Variants in LMOD3 observed in about 807,000 individuals in gnomAD.
LMOD3 encodes leiomodin 3, also known as leiomodin-3.
A neutral mutation model predicts 41.8 loss-of-function variants in LMOD3; 31 were observed. The ratio of observed to expected loss-of-function variants is 0.74; its 90% CI spans 0.56 to 1.00. LMOD3 has a LOEUF of 1.00. LMOD3 is among the 50% of genes least tolerant of loss of function. The pLI is 0.00. For synonymous variants in LMOD3, 292 were observed against 241.9 expected, an observed-to-expected ratio of 1.21 and a Z score of -1.92; for missense variants, 755 against 679.5, an observed-to-expected ratio of 1.11 and a Z score of -1.23.
chr3:69,119,988 GC>G lies in LMOD3; in HGVS notation c.366del (p.Lys122AsnfsTer6), dbSNP rs1368453406. The G allele has an allele frequency of 6.2e-6, 10 of 1,604,156 alleles. No homozygotes were observed. Among genetic ancestry groups the G allele is most frequent in the Non-Finnish European group, 7.7e-6 (9 of 1,174,578 alleles). On this transcript the variant is annotated frameshift_variant, in exon 2 of 3. Coordinates refer to ENST00000420581, the MANE Select transcript of LMOD3 (RefSeq NM_198271.5). LOFTEE classifies it high-confidence loss of function. ...NKNMAQYLKE[K>X]LNNEIVANKR... ...TTATTTGCAACTATTTCATTATTGA[GC>G]TTTTCTTTTAAATACTGGGCCATAT...
rs1252768762 is a variant in LMOD3, at chr3:69,107,494, T to TTTTTTTTTTTTTG, written c.*1600_*1601insCAAAAAAAAAAAA. On this transcript the variant is annotated 3_prime_UTR_variant, in exon 3 of 3. Transcript: ENST00000420581. ...TTTTTTTTTTTTTTTTTTTTTTTTTTGAGATGGAGTATCACTCTGTCACCC... is the reference window on the plus strand; with the variant it reads ...TTTTTTTTTTTTTTTTTTTTTTTTTTTTTTTTTTTTTTGGAGATGGAGTATCACTCTGTCACCC... 2.4e-5 allele frequency: 3 copies of TTTTTTTTTTTTTG among 125,114 alleles called. No individual in the cohort carries two copies. Among genetic ancestry groups the TTTTTTTTTTTTTG allele is most frequent in the Non-Finnish European group, 4.8e-5 (3 of 62,704 alleles). The allele number at this position is 125,114 out of a possible 1,614,324, so 7.8% of individuals were successfully genotyped here.
chr3:69,121,765 G>A (rs2092408718), intron 1 of LMOD3, among the ~76,000 whole-genome samples: 1 of 152,192 alleles, frequency 6.6e-6, no homozygotes, highest in Admixed American at 6.5e-5. Flanking sequence ...AAAAAAGAAA[G>A]AGAGAGGTAA....
Position 69,119,714 on chromosome 3 carries a change from G to A in LMOD3, c.641C>T (p.Ser214Leu), listed in dbSNP as rs368487515. The A allele has an allele frequency of 1.1e-5, 17 of 1,613,676 alleles. No individual in the cohort carries two copies. In the Admixed American group the frequency reaches 1.3e-4, roughly 13 times the overall value. Residue 214 changes from serine to leucine, a missense_variant, in exon 2 of 3, where the codon TCG becomes TTG. Ser to Leu is a moderately radical substitution (Grantham distance 145, BLOSUM62 -2). Transcript: ENST00000420581. ...EAQEQSEKKI[S>L]KLDPKKLALD... ...AGCTAACTTCTTAGGATCTAATTTC[G>A]ATATTTTTTTCTCACTTTGTTCTTG...
intron 2 of LMOD3, among the ~76,000 whole-genome samples, chr3:69,112,246 G>A (rs552810902): frequency 5.9e-5 from 9 of 152,186 alleles, no homozygotes; most frequent in South Asian, 4.1e-4. Context: ...GCACACATAC[G>A]CATACACTCA....
Position 69,109,520 on chromosome 3 carries a change from CTTTTTT to C in LMOD3, c.1657-405_1657-400del, listed in dbSNP as rs923225067. ...TACAAGTGAGTAATCCATGTTAACA[CTTTTTT>C]TTTTTTTTTTTTTTTTTTTGAGATG... is the stretch of plus-strand genomic sequence containing the variant. On this transcript the variant is annotated intron_variant, in intron 2 of 2. Transcript: ENST00000420581. 4.1e-5 allele frequency among the ~76,000 whole-genome samples: 4 copies of C among 98,742 alleles called. No individual in the cohort carries two copies. In the South Asian group the frequency reaches 1.6e-3, roughly 40 times the overall value. 64.8% of individuals were successfully genotyped at this position (98,742 alleles called of 152,430 possible).
At chr3:69,114,968 T>G (rs1163348542) in intron 2 of LMOD3, among the ~76,000 whole-genome samples, 1 of 152,170 alleles carries the variant, frequency 6.6e-6, no homozygotes, top group East Asian at 1.9e-4. Context: ...TGAGCTCAAG[T>G]GATCCTCCTG....
intron 2 of LMOD3, among the ~76,000 whole-genome samples, chr3:69,113,616 T>C (rs1456492607): frequency 6.6e-6 from 1 of 152,218 alleles, no homozygotes; most frequent in Non-Finnish European, 1.5e-5. Context: ...TAGCAATGGC[T>C]TTAGCCAACT....
intron 2 of LMOD3, among the ~76,000 whole-genome samples, chr3:69,115,388 G>T (rs942205521): frequency 1.3e-5 from 2 of 151,826 alleles, no homozygotes; most frequent in Non-Finnish European, 2.9e-5. Context: ...AGTCTGAGGT[G>T]GGAGGATCAC....
rs1203866597 is a variant in LMOD3, at chr3:69,106,068, T to C, written c.*3027A>G. ...GAAGAATAAAATTGATTAAAGGTTT[T>C]TTTGGTGAGACTTTATTTAATGCAC... is the stretch of plus-strand genomic sequence containing the variant. On this transcript the variant is annotated 3_prime_UTR_variant, in exon 3 of 3. Coordinates refer to ENST00000420581, the MANE Select transcript of LMOD3 (RefSeq NM_198271.5). 2 of 152,216 alleles carry C rather than the reference T, an allele frequency of 1.3e-5. No individual in the cohort carries two copies. Among genetic ancestry groups the C allele is most frequent in the African/African-American group, 4.8e-5 (2 of 41,458 alleles). 9.4% of individuals were successfully genotyped at this position (152,216 alleles called of 1,614,324 possible). A position where few individuals can be genotyped will look rare whatever the true frequency, so the allele number is the denominator to read the frequency against.
In LMOD3 at chr3:69,108,101, A is replaced by C. The variant is rs2092331173; in HGVS notation, c.*994T>G. 6.6e-6 allele frequency: 1 copy of C among 152,136 alleles called. No homozygotes were observed. Among genetic ancestry groups the C allele is most frequent in the African/African-American group, 2.4e-5 (1 of 41,434 alleles). The allele number at this position is 152,136 out of a possible 1,614,324, so 9.4% of individuals were successfully genotyped here. On this transcript the variant is annotated 3_prime_UTR_variant, in exon 3 of 3. Coordinates refer to ENST00000420581, the MANE Select transcript of LMOD3 (RefSeq NM_198271.5). ...GTGGGAAATAAGACAGGATTAGTAA[A>C]TTGGGGCCAGGCAATGGAGTGCCTT...
chr3:69,121,985 CA>C (rs1326892615), intron 1 of LMOD3, 107 bp downstream of exon 1: 1 of 890,524 alleles, frequency 1.1e-6, no homozygotes, highest in African/African-American at 1.7e-5. Flanking sequence ...ATGGCAAAAA[CA>C]AAGCAGAACC....
chr3:69,115,270 T>G (rs558966414), intron 2 of LMOD3, among the ~76,000 whole-genome samples: 142 of 152,074 alleles, frequency 9.3e-4, no homozygotes, highest in African/African-American at 3.4e-3. Context: ...TCACTTGAGC[T>G]CAAGAATTTG....
intron 2 of LMOD3, among the ~76,000 whole-genome samples, chr3:69,115,693 C>G (rs781295205): frequency 4.6e-5 from 7 of 152,226 alleles, no homozygotes; most frequent in Non-Finnish European, 1.0e-4. Flanking sequence ...CATTTCACCT[C>G]TATCAAGTGA....
chr3:69,119,654 G>A lies in LMOD3; in HGVS notation c.701C>T (p.Pro234Leu). Reference sequence around the variant, plus strand: ...ATCCAGGTCTGTCTGGTTTCCTGAAGGCCTTGTACTTACCTTCAAAAAGCT... The same window carrying A: ...ATCCAGGTCTGTCTGGTTTCCTGAAAGCCTTGTACTTACCTTCAAAAAGCT... Reference protein sequence around the residue: ...DTSFLKVSTRPSGNQTDLDGS... With the variant: ...DTSFLKVSTRLSGNQTDLDGS... Residue 234 changes from proline (P) to leucine (L), a missense_variant, in exon 2 of 3, where the codon CCT becomes CTT. Coordinates refer to ENST00000420581, the MANE Select transcript of LMOD3 (RefSeq NM_198271.5). The A allele has an allele frequency of 6.2e-7, 1 of 1,613,878 alleles. No homozygotes were observed. Among genetic ancestry groups the A allele is most frequent in the Non-Finnish European group, 8.5e-7 (1 of 1,179,880 alleles).
rs1403840785 is a variant in LMOD3, at chr3:69,118,926, T to G, written c.1429A>C (p.Lys477Gln). The G allele has an allele frequency of 6.2e-7, 1 of 1,612,180 alleles. No homozygotes were observed. The highest frequency in any genetic ancestry group is 1.3e-5 in the African/African-American group (1 of 74,296). ...AAGGAGTCAGGGTCTGTCCTGTACTTCGGGGCCTGCGATGGCTTTTTCATC... is the reference window on the plus strand; with the variant it reads ...AAGGAGTCAGGGTCTGTCCTGTACTGCGGGGCCTGCGATGGCTTTTTCATC... ...EMMKKPSQAPKYRTDPDSFRV... is the reference protein window; with the variant it reads ...EMMKKPSQAPQYRTDPDSFRV... Residue 477 changes from lysine to glutamine, a missense_variant, in exon 2 of 3, where the codon AAG becomes CAG. Transcript: ENST00000420581.
chr3:69,114,547 G>A (rs892992017), intron 2 of LMOD3, among the ~76,000 whole-genome samples: 7 of 152,068 alleles, frequency 4.6e-5, no homozygotes, highest in Non-Finnish European at 7.3e-5. Flanking sequence ...TCGCTCTGTC[G>A]CCCAGGCTGG....
In LMOD3 at chr3:69,119,789, T is replaced by C. The variant is rs1361425809; in HGVS notation, c.566A>G (p.Gln189Arg). Residue 189 changes from glutamine (Q) to arginine (R), a missense_variant, in exon 2 of 3, where the codon CAG (glutamine) becomes CGG (arginine). Coordinates refer to ENST00000420581, the MANE Select transcript of LMOD3 (RefSeq NM_198271.5). ...EQIRNCENNCQQVTDKAFKEQ... is the reference protein window; with the variant it reads ...EQIRNCENNCRQVTDKAFKEQ... ...TTTGAATGCTTTGTCAGTTACCTGCTGGCAGTTGTTCTCACAATTTCTAAT... is the reference window on the plus strand; with the variant it reads ...TTTGAATGCTTTGTCAGTTACCTGCCGGCAGTTGTTCTCACAATTTCTAAT... The C allele has an allele frequency of 6.2e-7, 1 of 1,609,006 alleles. No homozygotes were observed. Among genetic ancestry groups the C allele is most frequent in the Admixed American group, 1.7e-5 (1 of 58,956 alleles).
chr3:69,107,371 G>C lies in LMOD3; in HGVS notation c.*1724C>G, dbSNP rs1251481301. The C allele has an allele frequency of 5.7e-5, 8 of 140,546 alleles. No individual in the cohort carries two copies. The highest frequency in any genetic ancestry group is 2.1e-4 in the African/African-American group (8 of 38,010). 8.7% of individuals were successfully genotyped at this position (140,546 alleles called of 1,614,324 possible). Reference sequence around the variant, plus strand: ...CCCTAGCCTGTTTGGTTTGATACATGCCACTTATGATAACATAAAAGGAGA... The same window carrying C: ...CCCTAGCCTGTTTGGTTTGATACATCCCACTTATGATAACATAAAAGGAGA... On this transcript the variant is annotated 3_prime_UTR_variant, in exon 3 of 3. Transcript: ENST00000420581.
Position 69,118,938 on chromosome 3 carries a change from A to G in LMOD3, c.1417T>C (p.Ser473Pro). 6.2e-7 allele frequency: 1 copy of G among 1,611,480 alleles called. No individual in the cohort carries two copies. The highest frequency in any genetic ancestry group is 1.7e-4 in the Middle Eastern group (1 of 6,060). ...TCTGTCCTGTACTTCGGGGCCTGCG[A>G]TGGCTTTTTCATCATTTCACTGCGT... ...SQRSEMMKKP[S>P]QAPKYRTDPD... The change falls in exon 2 of 3, where the codon TCG becomes CCG. Residue 473 changes from serine to proline, a missense_variant. Transcript: ENST00000420581.
Sources: allele counts gnomAD v4.1 joint callset (sites outside exome capture counted in the v4.1 genomes callset), GRCh38; gene constraint gnomAD v4.1.1; transcripts MANE v1.5; gene names NCBI Gene and HGNC (gene_info 2026-07-23, HGNC 2026-07-21).